Variants in CAMK1D observed in about 807,000 individuals in gnomAD.
CAMK1D encodes calcium/calmodulin-dependent protein kinase type 1D.
Under a neutral mutation model 47.7 loss-of-function variants are expected in CAMK1D, and 9 were observed. The ratio of observed to expected loss-of-function variants is 0.19; its 90% CI spans 0.11 to 0.33. The LOEUF (loss-of-function observed/expected upper bound fraction) is 0.33. CAMK1D is among the 10% of genes least tolerant of loss of function. The pLI is 1.00. For synonymous variants in CAMK1D, 184 were observed against 184.9 expected (o/e 0.99, Z 0.04); for missense variants, 291 against 488.7 (o/e 0.60, Z 3.81).
At chr10:12,641,180 G>T (rs750407017) in intron 2 of CAMK1D, among the ~76,000 whole-genome samples, 1 of 152,160 alleles carries the variant, frequency 6.6e-6, no homozygotes, top group Non-Finnish European at 1.5e-5. Flanking sequence ...TGATGGCCAG[G>T]ATTGTCTCGA....
intron 2 of CAMK1D, among the ~76,000 whole-genome samples, chr10:12,630,317 A>G (rs1839340534): frequency 2.1e-5 from 3 of 144,060 alleles, no homozygotes; most frequent in South Asian, 4.3e-4. Context: ...CACCGCGTAT[A>G]TATTGTGACT....
At chr10:12,665,118 C>G (rs779568358) in intron 2 of CAMK1D, among the ~76,000 whole-genome samples, 7 of 152,120 alleles carry the variant, frequency 4.6e-5, no homozygotes, top group Admixed American at 1.3e-4. Flanking sequence ...TAGTATCTTG[C>G]TCAGACCACG....
At chr10:12,505,398 C>A (rs1834838964) in intron 1 of CAMK1D, among the ~76,000 whole-genome samples, 1 of 152,152 alleles carries the variant, frequency 6.6e-6, no homozygotes, top group Non-Finnish European at 1.5e-5. Flanking sequence ...TAGGCCTGCA[C>A]TATAATTTTA....
chr10:12,589,187 A>AT (rs1347644151), intron 2 of CAMK1D, among the ~76,000 whole-genome samples: 2 of 151,992 alleles, frequency 1.3e-5, no homozygotes, highest in African/African-American at 4.8e-5. Flanking sequence ...ACATTTTGTA[A>AT]TTTTTTTGTA....
At chr10:12,497,139 T>C (rs773665817) in intron 1 of CAMK1D, among the ~76,000 whole-genome samples, 7 of 152,190 alleles carry the variant, frequency 4.6e-5, no homozygotes, top group South Asian at 2.1e-4. Context: ...CAGTCTATCA[T>C]TGATGGGCAT....
At chr10:12,575,726 A>G (rs1037003950) in intron 2 of CAMK1D, among the ~76,000 whole-genome samples, 6 of 152,082 alleles carry the variant, frequency 3.9e-5, no homozygotes, top group Admixed American at 2.6e-4. Flanking sequence ...ATTCCCAGGG[A>G]CCCGTGGACC....
At chr10:12,611,035 GCTGT>G (rs893475956) in intron 2 of CAMK1D, among the ~76,000 whole-genome samples, 6 of 152,180 alleles carry the variant, frequency 3.9e-5, no homozygotes, top group South Asian at 2.1e-4. Context: ...AAACCCTTGA[GCTGT>G]CTGTTTTATT....
At chr10:12,713,910 T>C (rs943054790) in intron 3 of CAMK1D, among the ~76,000 whole-genome samples, 1 of 152,252 alleles carries the variant, frequency 6.6e-6, no homozygotes, top group Non-Finnish European at 1.5e-5. Context: ...AGTAGCATCG[T>C]CTTTCCCCTT....
intron 1 of CAMK1D, 21 bp downstream of exon 1, chr10:12,349,931 C>T: frequency 1.4e-6 from 2 of 1,481,078 alleles, no homozygotes; most frequent in East Asian, 2.9e-5. Context: ...ACCGGGGAGG[C>T]GAGGGTGGAG....
intron 3 of CAMK1D, among the ~76,000 whole-genome samples, chr10:12,746,016 G>A (rs1045317937): frequency 6.6e-6 from 1 of 152,068 alleles, no homozygotes; most frequent in Non-Finnish European, 1.5e-5. Context: ...GCTTCTAGTC[G>A]GTTTTGCATC....
chr10:12,590,477 C>T (rs992494739), intron 2 of CAMK1D, among the ~76,000 whole-genome samples: 13 of 152,166 alleles, frequency 8.5e-5, no homozygotes, highest in Non-Finnish European at 1.5e-4. Flanking sequence ...CCTCCTGCCT[C>T]GGCCTCACAA....
Position 12,433,253 on chromosome 10 carries a change from G to T in CAMK1D, c.92+83343G>T, listed in dbSNP as rs371842510. On this transcript the variant is annotated intron_variant, in intron 1 of 10. Transcript: ENST00000619168. The stretch of plus-strand genomic sequence containing the variant: ...GTCCAGCTGCTTTTTTGCCTACCAC[G>T]TTTGTGGAGCTTTGCTGATCATTCT... 2.0e-3 allele frequency among the ~76,000 whole-genome samples: 311 copies of T among 152,206 alleles called. 2 individuals carry two copies. The highest frequency in any genetic ancestry group is 7.2e-3 in the African/African-American group (301 of 41,544).
At chr10:12,781,933 C>T (rs1837515125) in intron 5 of CAMK1D, among the ~76,000 whole-genome samples, 2 of 151,784 alleles carry the variant, frequency 1.3e-5, no homozygotes, top group Admixed American at 1.3e-4. Flanking sequence ...CAGGCGTAAG[C>T]CACCATGCCT....
At chr10:12,503,022 ATGCATG>A (rs951825898) in intron 1 of CAMK1D, among the ~76,000 whole-genome samples, 1 of 150,950 alleles carries the variant, frequency 6.6e-6, no homozygotes, top group African/African-American at 2.4e-5. Context: ...GCGTGTATAT[ATGCATG>A]TGTGTGTGTG....
chr10:12,449,867 C>T (rs541821070), intron 1 of CAMK1D, among the ~76,000 whole-genome samples: 1 of 152,246 alleles, frequency 6.6e-6, no homozygotes, highest in African/African-American at 2.4e-5. Flanking sequence ...GGCATGGTGG[C>T]AGGCGCCTGT....
At position 12,791,242 on chromosome 10, in the gene CAMK1D, T is replaced by C. The variant is rs200409150; in HGVS notation, c.641+9T>C. Reference sequence around the variant, plus strand: ...GTGATTGCCTACATCTTGTAAGTACTGCCTGCTGCCTTGGGTTCTTCCTCT... The same window carrying C: ...GTGATTGCCTACATCTTGTAAGTACCGCCTGCTGCCTTGGGTTCTTCCTCT... On this transcript the variant is annotated intron_variant, in intron 6 of 10. Transcript: ENST00000619168. 9.9e-6 allele frequency: 16 copies of C among 1,612,940 alleles called. No homozygotes were observed. Among genetic ancestry groups the C allele is most frequent in the Non-Finnish European group, 1.4e-5 (16 of 1,179,198 alleles).
At chr10:12,758,999 T>C (rs556347814) in intron 3 of CAMK1D, among the ~76,000 whole-genome samples, 1 of 152,358 alleles carries the variant, frequency 6.6e-6, no homozygotes, top group Non-Finnish European at 1.5e-5. Context: ...CTGGGCATGC[T>C]CACTGGCATG....
intron 3 of CAMK1D, among the ~76,000 whole-genome samples, chr10:12,718,664 G>A (rs997348520): frequency 3.3e-5 from 5 of 152,140 alleles, no homozygotes; most frequent in Admixed American, 6.6e-5. Flanking sequence ...TTGTTTCTTC[G>A]TTTAATGATT....
intron 1 of CAMK1D, among the ~76,000 whole-genome samples, chr10:12,540,006 T>G (rs1836112882): frequency 6.6e-6 from 1 of 152,158 alleles, no homozygotes; most frequent in Non-Finnish European, 1.5e-5. Context: ...TTTGAACTCC[T>G]GGGCTCAGGC....
Sources: gnomAD v4.1 joint callset for allele counts (sites outside exome capture counted in the v4.1 genomes callset) on GRCh38, gnomAD v4.1.1 for gene constraint, MANE v1.5 for transcripts, NCBI Gene and HGNC (gene_info 2026-07-23, HGNC 2026-07-21) for gene names.